The following CHRM2 variants were observed in gnomAD, a reference collection of about 807,000 sequenced individuals.
CHRM2 encodes the protein muscarinic acetylcholine receptor M2.
CHRM2 carries 8 observed loss-of-function variants against 25.0 expected under a neutral mutation model. The ratio of observed to expected loss-of-function variants is 0.32; its 90% CI spans 0.19 to 0.58. The LOEUF (loss-of-function observed/expected upper bound fraction) is 0.58. Ranked by LOEUF, CHRM2 falls within the 20% of genes least tolerant of loss-of-function variation. The probability of loss-of-function intolerance (pLI) is 0.88; values close to 1 mark genes in which losing one functional copy is unlikely to be tolerated. For synonymous variants in CHRM2, 202 were observed against 205.7 expected (o/e 0.98, Z 0.15); for missense variants, 440 against 567.1 (o/e 0.78, Z 2.28).
rs115804486 is a variant in CHRM2 at position 136,891,215 on chromosome 7, C to T, written c.-125+21797C>T. On this transcript the variant is annotated intron_variant, in intron 2 of 3. Coordinates refer to ENST00000680005, the MANE Select transcript of CHRM2 (RefSeq NM_001006630.2). ...AAAGTTCAAACTTTAATCAGATTTCCTTAGTTTCTACCCAATGTCCTCTTT... is the reference window on the plus strand; with the variant it reads ...AAAGTTCAAACTTTAATCAGATTTCTTTAGTTTCTACCCAATGTCCTCTTT... Among the ~76,000 whole-genome samples, 1,488 of 152,172 alleles carry T rather than the reference C, an allele frequency of 9.8e-3. 28 individuals are homozygous for T. Among genetic ancestry groups the T allele is most frequent in the African/African-American group, 0.034 (1,410 of 41,510 alleles).
At chr7:137,001,437 T>C (rs941572338) in intron 3 of CHRM2, among the ~76,000 whole-genome samples, 1 of 152,174 alleles carries the variant, frequency 6.6e-6, no homozygotes, top group Non-Finnish European at 1.5e-5. Context: ...CATTCCTAAA[T>C]GCAGACACAG....
At chr7:137,011,041 G>T (rs6972108) in intron 3 of CHRM2, among the ~76,000 whole-genome samples, 3 of 151,872 alleles carry the variant, frequency 2.0e-5, no homozygotes, top group African/African-American at 7.3e-5. Context: ...GTTTTATCAC[G>T]TTAAGGGAAT....
intron 2 of CHRM2, among the ~76,000 whole-genome samples, chr7:136,956,171 GACAA>G (rs1238211608): frequency 1.3e-5 from 2 of 152,106 alleles, no homozygotes; most frequent in Non-Finnish European, 2.9e-5. Flanking sequence ...TTTTGAACAA[GACAA>G]ACAAGGTGAT....
intron 2 of CHRM2, among the ~76,000 whole-genome samples, chr7:136,890,102 G>A (rs13244595): frequency 0.22 from 33,943 of 152,068 alleles, 4,936 homozygotes; most frequent in Non-Finnish European, 0.32. Flanking sequence ...CAAGGTTATT[G>A]CCAAATTATC....
At chr7:136,887,152 T>G (rs1172356342) in intron 2 of CHRM2, among the ~76,000 whole-genome samples, 1 of 152,260 alleles carries the variant, frequency 6.6e-6, no homozygotes, top group African/African-American at 2.4e-5. Context: ...TGCATAACTC[T>G]GTGAGATGAT....
intron 2 of CHRM2, among the ~76,000 whole-genome samples, chr7:136,886,074 G>A (rs904882826): frequency 6.6e-5 from 10 of 152,118 alleles, no homozygotes; most frequent in South Asian, 2.1e-4. Context: ...ATCTGTCATC[G>A]AAGGGAAACA....
chr7:136,903,869 A>G (rs958797627), intron 2 of CHRM2, among the ~76,000 whole-genome samples: 3 of 151,774 alleles, frequency 2.0e-5, no homozygotes, highest in African/African-American at 7.3e-5. Context: ...TAAGGAGATG[A>G]CCTTTATCAA....
intron 2 of CHRM2, among the ~76,000 whole-genome samples, chr7:136,961,898 T>C (rs2130895820): frequency 1.3e-5 from 2 of 152,120 alleles, no homozygotes; most frequent in South Asian, 4.2e-4. Flanking sequence ...GGGGCGTGGA[T>C]CCTAGGGAAG....
chr7:136,882,498 A>G (rs749348762), intron 2 of CHRM2, among the ~76,000 whole-genome samples: 2 of 151,506 alleles, frequency 1.3e-5, no homozygotes, highest in Non-Finnish European at 2.9e-5. Flanking sequence ...CTTGGCACAT[A>G]GCAGAGCTCA....
intron 2 of CHRM2, among the ~76,000 whole-genome samples, chr7:136,891,295 C>T (rs971066539): frequency 2.6e-5 from 4 of 152,178 alleles, no homozygotes; most frequent in Admixed American, 6.5e-5. Context: ...TGTCTCTTTC[C>T]TGAGGCTCCT....
rs555038889 is a variant in CHRM2, at chr7:136,978,366, C to T, written c.-124-13821C>T. ...GTATTTTTTCTACAAGATGTTAATA[C>T]ATATGCTTTGAGAGGAAATGTTCTC... is the stretch of plus-strand genomic sequence containing the variant. On this transcript the variant is annotated intron_variant, in intron 2 of 3. Transcript: ENST00000680005. 7.2e-5 allele frequency among the ~76,000 whole-genome samples: 11 copies of T among 152,270 alleles called. No homozygotes were observed. In the South Asian group the frequency reaches 2.1e-3, roughly 29 times the overall value.
intron 3 of CHRM2, among the ~76,000 whole-genome samples, chr7:136,996,086 TGATAA>T (rs1803583141): frequency 6.6e-6 from 1 of 151,896 alleles, no homozygotes; most frequent in South Asian, 2.1e-4. Context: ...GTAAACTGCC[TGATAA>T]ATGTTTCTGG....
Position 136,947,657 on chromosome 7 carries a change from A to G in CHRM2, c.-124-44530A>G, listed in dbSNP as rs144969972. ...TCTGCTAAGAAACCTGCTTCTTTAGAGAAAATGATTACTCCTAATTTTATT... is the reference window on the plus strand; with the variant it reads ...TCTGCTAAGAAACCTGCTTCTTTAGGGAAAATGATTACTCCTAATTTTATT... On this transcript the variant is annotated intron_variant, in intron 2 of 3. Coordinates refer to ENST00000680005, the MANE Select transcript of CHRM2 (RefSeq NM_001006630.2). Among the ~76,000 whole-genome samples the G allele has an allele frequency of 3.5e-4, 53 of 152,308 alleles. No homozygotes were observed. The East Asian group carries it at 9.3e-3, about 27-fold the overall frequency.
chr7:136,971,851 G>A (rs1359499385), intron 2 of CHRM2, among the ~76,000 whole-genome samples: 1 of 152,080 alleles, frequency 6.6e-6, no homozygotes, highest in African/African-American at 2.4e-5. Flanking sequence ...CCAGGTTACA[G>A]AATCTTTTGA....
Position 137,017,084 on chromosome 7 carries a change from AT to A in CHRM2, c.*819del, listed in dbSNP as rs1805232781. 1 of 155,906 alleles carries A rather than the reference AT, an allele frequency of 6.4e-6. No individual in the cohort carries two copies. The highest frequency in any genetic ancestry group is 2.1e-4 in the South Asian group (1 of 4,830). 9.7% of individuals were successfully genotyped at this position (155,906 alleles called of 1,614,324 possible). A position where few individuals can be genotyped will look rare whatever the true frequency, so the allele number is the denominator to read the frequency against. On this transcript the variant is annotated 3_prime_UTR_variant, in exon 4 of 4. Coordinates refer to ENST00000680005, the MANE Select transcript of CHRM2 (RefSeq NM_001006630.2). ...AGGTCTATAAGGATTTAGTGCACTT[AT>A]AATCCTATATGCGAAATGTTTAAAC...
At chr7:136,919,881 G>A (rs933138097) in intron 2 of CHRM2, among the ~76,000 whole-genome samples, 5 of 152,102 alleles carry the variant, frequency 3.3e-5, no homozygotes, top group African/African-American at 1.2e-4. Context: ...TTCAGTCAAA[G>A]TGGTCATTGA....
chr7:136,901,173 C>T (rs908280242), intron 2 of CHRM2, among the ~76,000 whole-genome samples: 2 of 151,948 alleles, frequency 1.3e-5, no homozygotes, highest in African/African-American at 4.8e-5. Context: ...AAACGAGTGC[C>T]CTGGGAAAGG....
intron 2 of CHRM2, among the ~76,000 whole-genome samples, chr7:136,919,077 T>C (rs1236886779): frequency 6.6e-6 from 1 of 152,130 alleles, no homozygotes; most frequent in African/African-American, 2.4e-5. Context: ...TTCTCTATAT[T>C]ATCCTGAATA....
In CHRM2 at chr7:136,920,178, T is replaced by C. The variant is rs186488349; in HGVS notation, c.-125+50760T>C. 2.2e-4 allele frequency among the ~76,000 whole-genome samples: 33 copies of C among 152,272 alleles called. No homozygotes were observed. In the South Asian group the frequency reaches 4.6e-3, roughly 21 times the overall value. ...TTTTGTGACTGATTTTCAGGTTTTT[T>C]CATCTTTTCCTGTTTTTTCAGGCTC... On this transcript the variant is annotated intron_variant, in intron 2 of 3. Transcript: ENST00000680005.
Sources: allele counts gnomAD v4.1 joint callset (sites outside exome capture counted in the v4.1 genomes callset), GRCh38; gene constraint gnomAD v4.1.1; transcripts MANE v1.5; gene names NCBI Gene and HGNC (gene_info 2026-07-23, HGNC 2026-07-21).